Variants in UBE3A observed in about 807,000 individuals in gnomAD.
UBE3A encodes the protein ubiquitin-protein ligase E3A.
Under a neutral mutation model 83.4 loss-of-function variants are expected in UBE3A, and 6 were observed. The observed-to-expected ratio is 0.07, with a 90% CI of 0.04 to 0.14. The LOEUF is 0.14. Ranked by LOEUF, UBE3A falls within the 10% of genes least tolerant of loss-of-function variation. UBE3A has a pLI of 1.00. For missense variants in UBE3A, 456 were observed against 1,036.1 expected (o/e 0.44, Z 7.69); for synonymous variants, 337 against 355.4 (o/e 0.95, Z 0.58).
At chr15:25,424,563 A>G (rs1279345111) in intron 1 of UBE3A, among the ~76,000 whole-genome samples, 1 of 152,098 alleles carries the variant, frequency 6.6e-6, no homozygotes, top group Non-Finnish European at 1.5e-5. Context: ...CAGGACCTAG[A>G]AAAAAAGGCC....
At chr15:25,404,720 C>T (rs1037756417) in intron 4 of UBE3A, among the ~76,000 whole-genome samples, 8 of 152,120 alleles carry the variant, frequency 5.3e-5, no homozygotes, top group Non-Finnish European at 8.8e-5. Flanking sequence ...TTGCTGACTC[C>T]CTAATACCTT....
At position 25,338,465 on chromosome 15, in the gene UBE3A, A is replaced by G. The variant is rs534983019; in HGVS notation, c.*672T>C. On this transcript the variant is annotated 3_prime_UTR_variant, in exon 13 of 13. Transcript: ENST00000648336. The stretch of plus-strand genomic sequence containing the variant: ...GTTTTTAATTTGTTGTGCTGTTACT[A>G]AAGTTCTGAGGGCTGCAGTTAAAAC... 2.0e-5 allele frequency: 3 copies of G among 152,188 alleles called. No homozygotes were observed. Among genetic ancestry groups the G allele is most frequent in the African/African-American group, 4.8e-5 (2 of 41,540 alleles). 9.4% of individuals were successfully genotyped at this position (152,188 alleles called of 1,614,324 possible). A position where few individuals can be genotyped will look rare whatever the true frequency, so the allele number is the denominator to read the frequency against.
rs181060308 is a variant in UBE3A at position 25,379,161 on chromosome 15, T to C, written c.63-3398A>G. On this transcript the variant is annotated intron_variant, in intron 4 of 12. Coordinates refer to ENST00000648336, the MANE Select transcript of UBE3A (RefSeq NM_130839.5). ...GTATTATTCTTCTTCACATTACCAATTGTGAGAAAATTAAATGTGTTAATA... is the reference window on the plus strand; with the variant it reads ...GTATTATTCTTCTTCACATTACCAACTGTGAGAAAATTAAATGTGTTAATA... Among the ~76,000 whole-genome samples, 675 of 152,274 alleles carry C rather than the reference T, an allele frequency of 4.4e-3. 4 individuals are homozygous for C. The highest frequency in any genetic ancestry group is 7.9e-3 in the Non-Finnish European group (540 of 68,002).
intron 6 of UBE3A, among the ~76,000 whole-genome samples, chr15:25,361,279 C>T (rs939898847): frequency 6.6e-6 from 1 of 152,078 alleles, no homozygotes; most frequent in African/African-American, 2.4e-5. Flanking sequence ...GCAGGCGCCA[C>T]TACGCCTGGC....
At chr15:25,437,328 T>C (rs1281217902) in intron 1 of UBE3A, among the ~76,000 whole-genome samples, 1 of 152,222 alleles carries the variant, frequency 6.6e-6, no homozygotes, top group Non-Finnish European at 1.5e-5. Context: ...TACTTATTGA[T>C]CAGAAGTGTG....
At chr15:25,403,457 C>T (rs2087677694) in intron 4 of UBE3A, among the ~76,000 whole-genome samples, 1 of 152,212 alleles carries the variant, frequency 6.6e-6, no homozygotes, top group South Asian at 2.1e-4. Flanking sequence ...CACACTCTCA[C>T]ACAATATGTG....
At chr15:25,355,854 A>C in intron 9 of UBE3A, 38 bp downstream of exon 9, 1 of 1,579,952 alleles carries the variant, frequency 6.3e-7, no homozygotes, top group Non-Finnish European at 8.7e-7. Flanking sequence ...TGAAAGTGTT[A>C]ATGAAGAGAC....
At chr15:25,391,539 A>G (rs552059228) in intron 4 of UBE3A, 5 of 152,208 alleles carry the variant, frequency 3.3e-5, no homozygotes, top group Non-Finnish European at 7.3e-5. Context: ...CCTCTTATAT[A>G]AACTGATAAA....
intron 11 of UBE3A, among the ~76,000 whole-genome samples, chr15:25,348,319 C>A (rs887950635): frequency 4.6e-5 from 7 of 151,836 alleles, no homozygotes; most frequent in African/African-American, 1.7e-4. Flanking sequence ...CATAAGGAAC[C>A]CTTAAAACTC....
intron 6 of UBE3A, among the ~76,000 whole-genome samples, chr15:25,367,214 T>TAAATATTTACATATTTGTAAATATGC (rs1566940853): frequency 3.8e-4 from 31 of 81,218 alleles, no homozygotes; most frequent in African/African-American, 4.7e-4. Context: ...TGTAAATATG[T>TAAATATTTACATATTTGTAAATATGC]AAATATTTAC....
intron 5 of UBE3A, among the ~76,000 whole-genome samples, chr15:25,372,950 T>G (rs1347829519): frequency 6.6e-6 from 1 of 152,198 alleles, no homozygotes; most frequent in Non-Finnish European, 1.5e-5. Context: ...GATCATTGAA[T>G]GGTCTCCAAA....
At chr15:25,368,416 G>A (rs1047181399) in intron 6 of UBE3A, among the ~76,000 whole-genome samples, 2 of 151,986 alleles carry the variant, frequency 1.3e-5, no homozygotes, top group Non-Finnish European at 2.9e-5. Flanking sequence ...AAAAAGCAAG[G>A]GAGAAAGAAA....
rs1895851994 is a variant in UBE3A, at chr15:25,438,469, C to G, written c.-165+20G>C. On this transcript the variant is annotated intron_variant, in intron 1 of 12. Coordinates refer to ENST00000648336, the MANE Select transcript of UBE3A (RefSeq NM_130839.5). ...GGAGGGGAGCCAGCGCCGCCTGGCGCAGGCCGCGGCAACACTGACCTGTCG... is the reference window on the plus strand; with the variant it reads ...GGAGGGGAGCCAGCGCCGCCTGGCGGAGGCCGCGGCAACACTGACCTGTCG... 6.6e-6 allele frequency: 1 copy of G among 152,166 alleles called. No homozygotes were observed. Among genetic ancestry groups the G allele is most frequent in the South Asian group, 2.1e-4 (1 of 4,846 alleles). The allele number at this position is 152,166 out of a possible 1,614,324, so 9.4% of individuals were successfully genotyped here.
intron 4 of UBE3A, among the ~76,000 whole-genome samples, chr15:25,401,250 G>A (rs1225602548): frequency 1.3e-5 from 2 of 152,014 alleles, no homozygotes; most frequent in African/African-American, 4.8e-5. Flanking sequence ...TTAAGAATAC[G>A]GGTCTGTAAT....
intron 4 of UBE3A, among the ~76,000 whole-genome samples, chr15:25,382,285 C>T (rs1158616658): frequency 6.6e-6 from 1 of 150,680 alleles, no homozygotes; most frequent in Non-Finnish European, 1.5e-5. Context: ...AGAGCCACTG[C>T]ACTGTGGCCT....
At chr15:25,431,151 T>C (rs993380422) in intron 1 of UBE3A, among the ~76,000 whole-genome samples, 2 of 152,192 alleles carry the variant, frequency 1.3e-5, no homozygotes, top group African/African-American at 2.4e-5. Flanking sequence ...GCAGGATGTA[T>C]TCCTACCTTG....
intron 4 of UBE3A, among the ~76,000 whole-genome samples, chr15:25,395,907 A>G (rs1316641672): frequency 6.6e-6 from 1 of 152,214 alleles, no homozygotes; most frequent in Non-Finnish European, 1.5e-5. Context: ...AATACCAAAC[A>G]TAAAAAATCT....
intron 4 of UBE3A, among the ~76,000 whole-genome samples, chr15:25,395,087 T>C (rs1447202846): frequency 6.6e-6 from 1 of 152,144 alleles, no homozygotes; most frequent in East Asian, 1.9e-4. Context: ...GGAAGCCACA[T>C]GGATTATCAC....
chr15:25,416,536 C>T (rs542008769), intron 1 of UBE3A, among the ~76,000 whole-genome samples: 24 of 151,894 alleles, frequency 1.6e-4, no homozygotes, highest in African/African-American at 5.1e-4. Flanking sequence ...CAAGGGGCTA[C>T]GCAGGAGCTG....
Sources: gnomAD v4.1 joint callset for allele counts (sites outside exome capture counted in the v4.1 genomes callset) on GRCh38, gnomAD v4.1.1 for gene constraint, MANE v1.5 for transcripts, NCBI Gene and HGNC (gene_info 2026-07-23, HGNC 2026-07-21) for gene names.